The following SMC1B variants were observed in gnomAD, a reference collection of about 807,000 sequenced individuals.
SMC1B encodes the protein structural maintenance of chromosomes protein 1B.
A neutral mutation model predicts 157.9 loss-of-function variants in SMC1B; 60 were observed. The observed-to-expected ratio is 0.38, with a 90% CI of 0.31 to 0.47. SMC1B has a LOEUF of 0.47. Among genes scored for constraint, SMC1B ranks in the 20% least tolerant of loss-of-function variants. The pLI, the probability that SMC1B is intolerant of heterozygous loss-of-function variation, is 0.99. For missense variants in SMC1B, 1,165 were observed against 1,426.2 expected, an observed-to-expected ratio of 0.82 and a Z score of 2.95; for synonymous variants, 445 against 483.0, an observed-to-expected ratio of 0.92 and a Z score of 1.03.
intron 17 of SMC1B, among the ~76,000 whole-genome samples, chr22:45,360,567 C>A (rs546700728): frequency 6.6e-6 from 1 of 151,868 alleles, no homozygotes; most frequent in African/African-American, 2.4e-5. Flanking sequence ...TAATCCAGCA[C>A]TTTGGAAGGC....
rs532861276 is a variant in SMC1B at position 45,358,593 on chromosome 22, T to C, written c.2961+104A>G. On this transcript the variant is annotated intron_variant, in intron 19 of 24. Transcript: ENST00000357450. The stretch of plus-strand genomic sequence containing the variant: ...TTTCTTCCAAAACCATTAGGAAATC[T>C]TTTAAAAAAAAACAAACTTAATTCT... 3.7e-4 allele frequency: 263 copies of C among 711,494 alleles called. 1 individual carries two copies. In the Middle Eastern group the frequency reaches 7.5e-3, roughly 20 times the overall value. The allele number at this position is 711,494 out of a possible 1,614,324, so 44.1% of individuals were successfully genotyped here.
rs767745499 is a variant in SMC1B, at chr22:45,372,285, A to G, written c.2066T>C (p.Met689Thr). Reference protein sequence around the residue: ...SQKIQELKGLMKTLRKETDLK... With the variant: ...SQKIQELKGLTKTLRKETDLK... ...ATCTGTTTCTTTGCGGAGTGTCTTC[A>G]TTAAACCCTAAAAGGAAAGAAAAAC... The change falls in exon 13 of 25, where the codon ATG (methionine) becomes ACG (threonine). Residue 689 changes from methionine to threonine, a missense_variant. By Grantham distance (81) the Met-to-Thr change is moderately conservative. Transcript: ENST00000357450. 6.3e-7 allele frequency: 1 copy of G among 1,588,382 alleles called. No homozygotes were observed. The highest frequency in any genetic ancestry group is 8.5e-7 in the Non-Finnish European group (1 of 1,172,108).
At chr22:45,348,718 G>GTTTTTTTTTTT (rs59086824) in intron 23 of SMC1B, among the ~76,000 whole-genome samples, 3 of 148,122 alleles carry the variant, frequency 2.0e-5, no homozygotes, top group Non-Finnish European at 3.0e-5. Context: ...CAAAAGGACT[G>GTTTTTTTTTTT]TTTTTTTTGT....
intron 19 of SMC1B, among the ~76,000 whole-genome samples, chr22:45,357,203 T>C (rs2086678528): frequency 6.6e-6 from 1 of 152,242 alleles, no homozygotes; most frequent in Admixed American, 6.5e-5. Flanking sequence ...CTTTCATCTC[T>C]GAAGGTTGTA....
At chr22:45,406,931 A>T (rs1201513031) in intron 2 of SMC1B, 66 bp from the exon 3 acceptor site, 1 of 1,094,614 alleles carries the variant, frequency 9.1e-7, no homozygotes, top group Admixed American at 2.7e-5. Context: ...AAATCCACCG[A>T]AAGTTTAATA....
intron 7 of SMC1B, among the ~76,000 whole-genome samples, chr22:45,394,971 C>T (rs568565014): frequency 3.9e-5 from 6 of 152,264 alleles, no homozygotes; most frequent in African/African-American, 9.6e-5. Context: ...TGATCTCTAG[C>T]GATTTCTCTC....
intron 19 of SMC1B, 91 bp downstream of exon 19, chr22:45,358,606 C>T: frequency 1.3e-6 from 1 of 776,804 alleles, no homozygotes; most frequent in East Asian, 2.8e-5. Flanking sequence ...TAAAAAAAAA[C>T]AAACTTAATT....
intron 22 of SMC1B, 46 bp from the exon 23 acceptor site, chr22:45,349,843 T>A: frequency 7.0e-7 from 1 of 1,437,936 alleles, no homozygotes; most frequent in South Asian, 1.2e-5. Context: ...TCTATTTGTT[T>A]TACAAAAGAC....
intron 4 of SMC1B, among the ~76,000 whole-genome samples, chr22:45,404,925 C>A (rs1299353372): frequency 1.3e-5 from 2 of 152,036 alleles, no homozygotes; most frequent in African/African-American, 4.8e-5. Flanking sequence ...GACAGACAAG[C>A]AAACAAATAA....
Position 45,344,499 on chromosome 22 carries a change from G to C in SMC1B, c.*57C>G, listed in dbSNP as rs1295186502. The stretch of plus-strand genomic sequence containing the variant: ...TCCAGAAGTCTCCTGTGGAGGAGCT[G>C]TGTGAGTATTAGAGTGGGAACTGAA... On this transcript the variant is annotated 3_prime_UTR_variant, in exon 25 of 25. Transcript: ENST00000357450. 3 of 1,239,904 alleles carry C rather than the reference G, an allele frequency of 2.4e-6. No individual in the cohort carries two copies. Among genetic ancestry groups the C allele is most frequent in the Non-Finnish European group, 1.2e-6 (1 of 842,208 alleles). The allele number at this position is 1,239,904 out of a possible 1,614,324, so 76.8% of individuals were successfully genotyped here.
intron 10 of SMC1B, 122 bp from the exon 11 acceptor site, chr22:45,387,168 G>C: frequency 1.2e-6 from 1 of 847,366 alleles, no homozygotes; most frequent in Non-Finnish European, 1.8e-6. Flanking sequence ...TATGTACCCA[G>C]CCAGGCGTGA....
chr22:45,392,481 TTGTG>T (rs136602), intron 9 of SMC1B, among the ~76,000 whole-genome samples: 4 of 147,974 alleles, frequency 2.7e-5, no homozygotes, highest in Non-Finnish European at 4.5e-5. Context: ...TTTTAACTAG[TTGTG>T]TGTGTGTGTG....
intron 21 of SMC1B, among the ~76,000 whole-genome samples, chr22:45,353,181 G>A (rs1328407961): frequency 6.7e-6 from 1 of 149,508 alleles, no homozygotes; most frequent in Admixed American, 6.7e-5. Context: ...TGAGACACTT[G>A]AACCCGGGAG....
chr22:45,413,517 G>A lies in SMC1B; in HGVS notation c.51C>T (p.Gly17=), dbSNP rs376708527. The change falls in exon 1 of 25, where the codon GGC becomes GGT. Residue 17 remains glycine, a synonymous_variant. Transcript: ENST00000357450. ...TCCGGAAGGGGCCAATGACCTGGCGGCCCCGCCACGACTTGAAATTTTCCA... is the reference window on the plus strand; with the variant it reads ...TCCGGAAGGGGCCAATGACCTGGCGACCCCGCCACGACTTGAAATTTTCCA... ...LLVENFKSWR[G]RQVIGPFRRF... The A allele has an allele frequency of 1.2e-5, 19 of 1,601,400 alleles. No homozygotes were observed. Among genetic ancestry groups the A allele is most frequent in the Non-Finnish European group, 1.4e-5 (17 of 1,174,212 alleles).
chr22:45,389,917 G>A lies in SMC1B; in HGVS notation c.1546-20C>T. 6.3e-7 allele frequency: 1 copy of A among 1,596,120 alleles called. No homozygotes were observed. Among genetic ancestry groups the A allele is most frequent in the African/African-American group, 1.3e-5 (1 of 74,428 alleles). ...TCCAAACTTAGCAGGTTTCAAAAAA[G>A]GAGAGAAAAACAGATATATTAGAGT... On this transcript the variant is annotated intron_variant, in intron 9 of 24. Coordinates refer to ENST00000357450, the MANE Select transcript of SMC1B (RefSeq NM_148674.5).
chr22:45,392,005 G>C (rs568592214), intron 9 of SMC1B, among the ~76,000 whole-genome samples: 8 of 152,198 alleles, frequency 5.3e-5, no homozygotes, highest in South Asian at 2.1e-4. Flanking sequence ...ACCCAGGCTG[G>C]AGCGCAGTGG....
At position 45,402,317 on chromosome 22, in the gene SMC1B, A is replaced by G; in HGVS notation, c.854+16T>C. ...ACATATAACCCAACTGTTAATATCTACTTTTAAAAACTCACTTTAATTCTT... is the reference window on the plus strand; with the variant it reads ...ACATATAACCCAACTGTTAATATCTGCTTTTAAAAACTCACTTTAATTCTT... On this transcript the variant is annotated intron_variant, in intron 5 of 24. Transcript: ENST00000357450. 1 of 1,550,164 alleles carries G rather than the reference A, an allele frequency of 6.5e-7. No homozygotes were observed. The highest frequency in any genetic ancestry group is 8.9e-7 in the Non-Finnish European group (1 of 1,126,002).
At chr22:45,362,765 C>A in intron 16 of SMC1B, 120 bp downstream of exon 16, 2 of 803,564 alleles carry the variant, frequency 2.5e-6, no homozygotes, top group South Asian at 1.7e-5. Flanking sequence ...TTAAGTATTT[C>A]TTAAATCTGT....
Position 45,383,473 on chromosome 22 carries a change from C to T in SMC1B, c.2052G>A (p.Glu684=), listed in dbSNP as rs984750956. 6.3e-7 allele frequency: 1 copy of T among 1,594,732 alleles called. No individual in the cohort carries two copies. The highest frequency in any genetic ancestry group is 8.5e-7 in the Non-Finnish European group (1 of 1,174,408). Residue 684 remains glutamate, a synonymous_variant, in exon 12 of 25, where the codon GAG becomes GAA. Coordinates refer to ENST00000357450, the MANE Select transcript of SMC1B (RefSeq NM_148674.5). ...LRDRRSQKIQ[E]LKGLMKTLRK... ...TTTTATGACATGGATTTACCTTTAG[C>T]TCTTGGATTTTCTGGCTTCGTCTGT...
Sources: allele counts gnomAD v4.1 joint callset (sites outside exome capture counted in the v4.1 genomes callset), GRCh38; gene constraint gnomAD v4.1.1; transcripts MANE v1.5; gene names NCBI Gene and HGNC (gene_info 2026-07-23, HGNC 2026-07-21).